TASOR2: variants seen among roughly 807,000 people sequenced by gnomAD.
TASOR2 encodes transcription activation suppressor family member 2, also known as protein TASOR 2.
In TASOR2, 84 loss-of-function variants were observed where a neutral mutation model predicts 199.5. That is an observed-to-expected ratio of 0.42 (90% CI 0.35 to 0.50). The LOEUF (loss-of-function observed/expected upper bound fraction) is 0.50. Among genes scored for constraint, TASOR2 ranks in the 20% least tolerant of loss-of-function variants. The probability of loss-of-function intolerance (pLI) is 0.02; values close to 1 mark genes in which losing one functional copy is unlikely to be tolerated. For missense variants in TASOR2, 2,796 were observed against 2,835.9 expected, an observed-to-expected ratio of 0.99 and a Z score of 0.32; for synonymous variants, 1,103 against 1,046.6, an observed-to-expected ratio of 1.05 and a Z score of -1.04.
Position 5,720,321 on chromosome 10 carries a change from A to G in TASOR2, c.-99-223A>G, listed in dbSNP as rs943279596. The G allele has an allele frequency of 3.0e-6, 3 of 985,362 alleles. No homozygotes were observed. Among genetic ancestry groups the G allele is most frequent in the Non-Finnish European group, 1.2e-6 (1 of 829,852 alleles). 61.0% of individuals were successfully genotyped at this position (985,362 alleles called of 1,614,324 possible). On this transcript the variant is annotated intron_variant, in intron 3 of 20. Coordinates refer to ENST00000328090, the Ensembl canonical transcript of TASOR2. The surrounding 1 kb of genome is among the most constrained non-coding windows in gnomAD (Gnocchi z 5.3). ...AACTATACTAAGCCATCTTCTGGCT[A>G]TGATTGCCACGTGTCTGAAAATACT...
At chr10:5,709,561 G>A (rs1035026861) in intron 1 of TASOR2, 6 of 1,230,782 alleles carry the variant, frequency 4.9e-6, no homozygotes, top group South Asian at 8.2e-5. Flanking sequence ...ACAGGACTAT[G>A]TCAAGAATTC....
At chr10:5,762,736 A>G (rs1419407988) in intron 20 of TASOR2, 90 bp downstream of exon 21, 1 of 753,062 alleles carries the variant, frequency 1.3e-6, no homozygotes, top group Non-Finnish European at 2.3e-6. Context: ...ACAGTTGGGA[A>G]ACTGTTGTTT....
Position 5,730,397 on chromosome 10 carries a change from A to G in TASOR2, c.488-90A>G, listed in dbSNP as rs2131592794. ...ATACTATAACATATTTAACCATCACATAATTTTGAAATCTAAAGCTTTTTT... is the reference window on the plus strand; with the variant it reads ...ATACTATAACATATTTAACCATCACGTAATTTTGAAATCTAAAGCTTTTTT... On this transcript the variant is annotated intron_variant, in intron 10 of 20. Transcript: ENST00000328090. The surrounding 1 kb of genome is among the most constrained non-coding windows in gnomAD (Gnocchi z 4.1). 1 of 992,346 alleles carries G rather than the reference A, an allele frequency of 1.0e-6. No homozygotes were observed. The highest frequency in any genetic ancestry group is 1.5e-6 in the Non-Finnish European group (1 of 682,086). 61.5% of individuals were successfully genotyped at this position (992,346 alleles called of 1,614,324 possible).
At chr10:5,715,236 A>T (rs1365064802) in intron 2 of TASOR2, among the ~76,000 whole-genome samples, 2 of 113,794 alleles carry the variant, frequency 1.8e-5, no homozygotes, top group Admixed American at 8.0e-5. Flanking sequence ...TTTTTTTTAA[A>T]AAAAAACTGC....
rs370606539 is a variant in TASOR2 at position 5,730,642 on chromosome 10, A to G, written c.643A>G (p.Lys215Glu). Residue 215 changes from lysine to glutamate, a missense_variant, in exon 11 of 21, where the codon AAG becomes GAG. Physicochemically the swap from Lys to Glu is moderately conservative, Grantham distance 56. This residue lies in a region of TASOR2 where 847 missense variants were observed against 887.4 expected (regional missense o/e 0.95). Transcript: ENST00000328090. This position sits in a 1 kb window ranked among gnomAD's most constrained non-coding sequence, Gnocchi z 4.1. ...AAAGCGTCATTTCCAAGAATTGTAC[A>G]AGGCGGACAGAAGCCCTTCATTGAG... 2.8e-5 allele frequency: 45 copies of G among 1,614,122 alleles called. No individual in the cohort carries two copies. In the African/African-American group the frequency reaches 5.5e-4, roughly 20 times the overall value.
At position 5,750,118 on chromosome 10, in the gene TASOR2, A is replaced by C; in HGVS notation, c.6606+91A>C. ...TTAGCATATTAGCCATCAAAAAGAA[A>C]TCATGGTATGACATAGTATTTAAAT... On this transcript the variant is annotated intron_variant, in intron 15 of 20. Coordinates refer to ENST00000328090, the Ensembl canonical transcript of TASOR2. The surrounding 1 kb of genome is among the most constrained non-coding windows in gnomAD (Gnocchi z 5.4). 1 of 1,357,546 alleles carries C rather than the reference A, an allele frequency of 7.4e-7. No homozygotes were observed. Among genetic ancestry groups the C allele is most frequent in the Non-Finnish European group, 9.8e-7 (1 of 1,019,822 alleles). The allele number at this position is 1,357,546 out of a possible 1,614,324, so 84.1% of individuals were successfully genotyped here.
At chr10:5,729,280 G>A (rs1050761928) in intron 10 of TASOR2, among the ~76,000 whole-genome samples, 7 of 152,138 alleles carry the variant, frequency 4.6e-5, no homozygotes, top group African/African-American at 1.4e-4. Context: ...CCCAGGAGGC[G>A]GAGGTTGCAG....
At chr10:5,729,345 T>TAAAAC (rs1220919542) in intron 10 of TASOR2, among the ~76,000 whole-genome samples, 166 of 147,620 alleles carry the variant, frequency 1.1e-3, no homozygotes, top group African/African-American at 4.0e-3. Flanking sequence ...AAGACTGAGT[T>TAAAAC]AAAACAAAAC....
chr10:5,751,232 G>A lies in TASOR2; in HGVS notation c.6606+1205G>A, dbSNP rs1837990567. ...AAGTTGGGAGCTAACTTGAGACTGT[G>A]TAAAATCCTATTCCTTATCAGACTT... On this transcript the variant is annotated intron_variant, in intron 15 of 20. Coordinates refer to ENST00000328090, the Ensembl canonical transcript of TASOR2. The surrounding 1 kb of genome is among the most constrained non-coding windows in gnomAD (Gnocchi z 5.3). Among the ~76,000 whole-genome samples the A allele has an allele frequency of 6.6e-6, 1 of 152,202 alleles. No individual in the cohort carries two copies. Among genetic ancestry groups the A allele is most frequent in the Non-Finnish European group, 1.5e-5 (1 of 68,036 alleles).
intron 1 of TASOR2, among the ~76,000 whole-genome samples, chr10:5,704,355 T>C (rs1366338612): frequency 1.3e-5 from 2 of 152,204 alleles, no homozygotes; most frequent in Non-Finnish European, 2.9e-5. Context: ...TATTCTGTTT[T>C]CTTAAGTAGG....
chr10:5,752,412 C>T lies in TASOR2; in HGVS notation c.6606+2385C>T, dbSNP rs78868603. On this transcript the variant is annotated intron_variant, in intron 15 of 20. Transcript: ENST00000328090. The surrounding 1 kb of genome is among the most constrained non-coding windows in gnomAD (Gnocchi z 4.4). ...CCTGCAGGCCGCGTGCAAAACTGGACGTGCCGTGTGTCGGTTCCACACATG... is the reference window on the plus strand; with the variant it reads ...CCTGCAGGCCGCGTGCAAAACTGGATGTGCCGTGTGTCGGTTCCACACATG... 0.024 allele frequency among the ~76,000 whole-genome samples: 3,632 copies of T among 152,068 alleles called. 54 individuals are homozygous for T. Among genetic ancestry groups the T allele is most frequent in the South Asian group, 0.037 (179 of 4,818 alleles).
chr10:5,712,907 A>G lies in TASOR2; in HGVS notation c.-203A>G. On this transcript the variant is annotated 5_prime_UTR_variant, in exon 2 of 21. The change creates a new upstream start codon in the 5' untranslated region. Transcript: ENST00000328090. ...CACTTACGGGTTTCTTCTGTTTGAT[A>G]CTGAAAAGCAGGTAAGGGAATTAGG... 2 of 1,228,478 alleles carry G rather than the reference A, an allele frequency of 1.6e-6. No individual in the cohort carries two copies. The highest frequency in any genetic ancestry group is 2.0e-6 in the Non-Finnish European group (2 of 984,790). The allele number at this position is 1,228,478 out of a possible 1,614,324, so 76.1% of individuals were successfully genotyped here.
intron 14 of TASOR2, among the ~76,000 whole-genome samples, chr10:5,744,313 G>GTTTT (rs1352578226): frequency 3.3e-5 from 5 of 151,796 alleles, no homozygotes; most frequent in African/African-American, 9.7e-5. Context: ...GTTTTGTTTT[G>GTTTT]TTTTGTTTTG....
chr10:5,723,002 C>G (rs936321553), intron 6 of TASOR2, among the ~76,000 whole-genome samples: 4 of 146,990 alleles, frequency 2.7e-5, no homozygotes. Context: ...AGCCAGACTC[C>G]ATCTCACACA....
chr10:5,761,726 C>T (rs2380199), intron 19 of TASOR2: 185,851 of 344,020 alleles, frequency 0.54, 52,319 homozygotes, highest in Middle Eastern at 0.62. Flanking sequence ...GTAGTTATAC[C>T]GTATTATTTT....
At chr10:5,684,958 G>A (rs572581279) in exon 1 of TASOR2, 38 of 397,838 alleles carry the variant, frequency 9.6e-5, no homozygotes, top group Non-Finnish European at 1.6e-4. Context: ...CGGCCGCGGC[G>A]TCCCTGTCAG....
chr10:5,727,471 C>G (rs866168536), intron 10 of TASOR2, among the ~76,000 whole-genome samples: 1 of 152,130 alleles, frequency 6.6e-6, no homozygotes, highest in Non-Finnish European at 1.5e-5. Context: ...CTTATCTGGA[C>G]CTTATCTGTT....
chr10:5,708,755 T>A (rs4747292), intron 1 of TASOR2, among the ~76,000 whole-genome samples: 3 of 151,284 alleles, frequency 2.0e-5, no homozygotes, highest in East Asian at 3.9e-4. Context: ...AGGCTGGAGT[T>A]CAGGGGTGCA....
intron 3 of TASOR2, 26 bp downstream of exon 4, chr10:5,717,776 G>T: frequency 1.1e-6 from 1 of 925,666 alleles, no homozygotes; most frequent in South Asian, 5.5e-5. Flanking sequence ...GCTGTTACGT[G>T]ATTTCCTTTT....
Sources: gnomAD v4.1 joint callset for allele counts (sites outside exome capture counted in the v4.1 genomes callset) on GRCh38, gnomAD v4.1.1 for gene constraint, gnomAD v4.1.1 regional missense constraint, Gnocchi (gnomAD v3.1) non-coding constraint, MANE v1.5 for transcripts, NCBI Gene and HGNC (gene_info 2026-07-23, HGNC 2026-07-21) for gene names.